DYM: variants seen among roughly 807,000 people sequenced by gnomAD.
DYM encodes the protein dyggve-Melchior-Clausen syndrome protein.
In DYM, 78 loss-of-function variants were observed where a neutral mutation model predicts 93.1. The observed-to-expected ratio is 0.84, with a 90% confidence interval of 0.70 to 1.01. DYM has a LOEUF of 1.01. Ranked by LOEUF, DYM falls within the 50% of genes least tolerant of loss-of-function variation. The pLI is 0.00. For synonymous variants in DYM, 321 were observed against 319.7 expected, an observed-to-expected ratio of 1.00 and a Z score of -0.04; for missense variants, 789 against 845.0, an observed-to-expected ratio of 0.93 and a Z score of 0.82.
chr18:49,395,493 G>A (rs1199070688), intron 2 of DYM, among the ~76,000 whole-genome samples: 1 of 152,118 alleles, frequency 6.6e-6, no homozygotes, highest in Non-Finnish European at 1.5e-5. Flanking sequence ...GCCAGGTGTG[G>A]TGGCTCATGC....
intron 6 of DYM, among the ~76,000 whole-genome samples, chr18:49,346,982 T>C (rs2064656516): frequency 6.6e-6 from 1 of 152,180 alleles, no homozygotes; most frequent in Admixed American, 6.5e-5. Flanking sequence ...AAGCCTACAG[T>C]TGGGCAAAGT....
intron 8 of DYM, among the ~76,000 whole-genome samples, chr18:49,287,975 A>C (rs2059775700): frequency 6.6e-6 from 1 of 152,204 alleles, no homozygotes; most frequent in African/African-American, 2.4e-5. Flanking sequence ...TGAAGACTTA[A>C]TACCAAAAAA....
chr18:49,216,935 T>C (rs1363776252), intron 13 of DYM, among the ~76,000 whole-genome samples: 1 of 152,158 alleles, frequency 6.6e-6, no homozygotes, highest in Non-Finnish European at 1.5e-5. Flanking sequence ...AGAAGAAGAC[T>C]TCAGACAATC....
intron 15 of DYM, among the ~76,000 whole-genome samples, chr18:49,121,413 G>A (rs1017526140): frequency 5.9e-5 from 9 of 152,058 alleles, no homozygotes; most frequent in Admixed American, 2.6e-4. Flanking sequence ...AAAATAATAA[G>A]AAATGCATTA....
At chr18:49,082,882 G>A (rs186471972) in intron 17 of DYM, among the ~76,000 whole-genome samples, 1 of 152,204 alleles carries the variant, frequency 6.6e-6, no homozygotes, top group Non-Finnish European at 1.5e-5. Flanking sequence ...AGTGGAAAAA[G>A]AATTTAGTCT....
chr18:49,120,705 T>C (rs1388870577), intron 15 of DYM, among the ~76,000 whole-genome samples: 2 of 152,348 alleles, frequency 1.3e-5, no homozygotes, highest in African/African-American at 4.8e-5. Context: ...AGAGACTATC[T>C]GGCCTACAAA....
intron 2 of DYM, among the ~76,000 whole-genome samples, chr18:49,392,918 C>A (rs1036724405): frequency 6.7e-6 from 1 of 149,940 alleles, no homozygotes; most frequent in Admixed American, 6.7e-5. Flanking sequence ...TTGCTTGAAC[C>A]CAGGAGGCAG....
rs201886969 is a variant in DYM, at chr18:49,040,691, G to A, written c.*3364C>T. Among the ~76,000 whole-genome samples, 4 of 152,074 alleles carry A rather than the reference G, an allele frequency of 2.6e-5. No individual in the cohort carries two copies. The highest frequency in any genetic ancestry group is 9.7e-5 in the African/African-American group (4 of 41,396). On this transcript the variant is annotated 3_prime_UTR_variant, in exon 18 of 18. Transcript: ENST00000675505. ...GATAGTGCCTAGGAAAGAATTAAGAGACCCAAAGGGTTGACCTTGCAGAGA... is the reference window on the plus strand; with the variant it reads ...GATAGTGCCTAGGAAAGAATTAAGAAACCCAAAGGGTTGACCTTGCAGAGA...
rs762928260 is a variant in DYM at position 49,331,907 on chromosome 18, C to T, written c.720G>A (p.Ser240=). The T allele has an allele frequency of 9.3e-6, 15 of 1,613,924 alleles. No homozygotes were observed. The highest frequency in any genetic ancestry group is 2.2e-5 in the East Asian group (1 of 44,892). The change falls in exon 8 of 18, where the codon TCG becomes TCA. Residue 240 remains serine, a synonymous_variant. Transcript: ENST00000675505. The part of the protein sequence containing the change: ...PPGAHVFPQQ[S]DGGGLLYGLA... ...GTCCATAAAGCAGTCCTCCCCCATC[C>T]GACTGCTGAGGGAAAACATGGGCCC...
At chr18:49,048,585 G>A (rs1353259815) in intron 17 of DYM, 6 of 152,198 alleles carry the variant, frequency 3.9e-5, no homozygotes, top group African/African-American at 1.4e-4. Flanking sequence ...AGGGTGGAAT[G>A]GGAAATAAAA....
chr18:49,196,365 T>C (rs1253498617), intron 14 of DYM, among the ~76,000 whole-genome samples: 1 of 151,938 alleles, frequency 6.6e-6, no homozygotes, highest in Admixed American at 6.6e-5. Flanking sequence ...CAAAACAAAA[T>C]TACCCATTCT....
At chr18:49,190,939 C>T (rs1487156388) in intron 14 of DYM, among the ~76,000 whole-genome samples, 2 of 152,102 alleles carry the variant, frequency 1.3e-5, no homozygotes, top group African/African-American at 4.8e-5. Flanking sequence ...ATAAAACATA[C>T]AAAATATATG....
chr18:49,317,688 C>CCTTCCTTCCTTCCTTTCTTT (rs1555690626), intron 8 of DYM, among the ~76,000 whole-genome samples: 1 of 88,566 alleles, frequency 1.1e-5, no homozygotes, highest in African/African-American at 4.4e-5. Context: ...TTCCTTCCTT[C>CCTTCCTTCCTTCCTTTCTTT]CTTTCTTTCT....
chr18:49,323,888 C>T (rs1038227334), intron 8 of DYM, among the ~76,000 whole-genome samples: 4 of 152,126 alleles, frequency 2.6e-5, no homozygotes, highest in Admixed American at 2.6e-4. Flanking sequence ...TGGCTGATGC[C>T]TGTAATTCCA....
rs1488344893 is a variant in DYM at position 49,269,912 on chromosome 18, C to T, written c.1251+2266G>A. On this transcript the variant is annotated intron_variant, in intron 11 of 17. Coordinates refer to ENST00000675505, the MANE Select transcript of DYM (RefSeq NM_001353214.3). The stretch of plus-strand genomic sequence containing the variant: ...TCACTCATTGATTCAGTCAGTGCCA[C>T]TTCCAGTCCTGCAAGTTCCATTCAT... 2.0e-5 allele frequency among the ~76,000 whole-genome samples: 3 copies of T among 152,216 alleles called. No individual in the cohort carries two copies. The East Asian group carries it at 5.8e-4, about 29-fold the overall frequency.
intron 1 of DYM, among the ~76,000 whole-genome samples, chr18:49,457,339 G>A (rs1160352758): frequency 6.6e-6 from 1 of 152,112 alleles, no homozygotes; most frequent in Non-Finnish European, 1.5e-5. Context: ...TTAGCCCTCT[G>A]ATTACACATA....
chr18:49,130,932 T>C (rs1293517423), intron 15 of DYM, among the ~76,000 whole-genome samples: 1 of 152,200 alleles, frequency 6.6e-6, no homozygotes, highest in Non-Finnish European at 1.5e-5. Flanking sequence ...AGCTTTACCA[T>C]ATGTTAGCTG....
rs1421444333 is a variant in DYM, at chr18:49,423,251, C to T, written c.140+7004G>A. Among the ~76,000 whole-genome samples, 8 of 152,144 alleles carry T rather than the reference C, an allele frequency of 5.3e-5. No individual in the cohort carries two copies. The South Asian group carries it at 1.0e-3, about 20-fold the overall frequency. ...CAGGATTAAGAAACTCACTCAAAACCGCTCAACTACATGGAAACTGAACAA... is the reference window on the plus strand; with the variant it reads ...CAGGATTAAGAAACTCACTCAAAACTGCTCAACTACATGGAAACTGAACAA... On this transcript the variant is annotated intron_variant, in intron 2 of 17. Coordinates refer to ENST00000675505, the MANE Select transcript of DYM (RefSeq NM_001353214.3).
rs142535764 is a variant in DYM, at chr18:49,352,242, A to G, written c.494+10919T>C. ...ATGAAGAGTGACTGCTAATGGGCAC[A>G]TGGCTTCTGCCTGGGGTGCTGAAAA... On this transcript the variant is annotated intron_variant, in intron 6 of 17. Coordinates refer to ENST00000675505, the MANE Select transcript of DYM (RefSeq NM_001353214.3). Among the ~76,000 whole-genome samples, 655 of 152,332 alleles carry G rather than the reference A, an allele frequency of 4.3e-3. 1 individual carries two copies. Among genetic ancestry groups the G allele is most frequent in the Non-Finnish European group, 7.4e-3 (503 of 68,026 alleles).
Sources: allele counts gnomAD v4.1 joint callset (sites outside exome capture counted in the v4.1 genomes callset), GRCh38; gene constraint gnomAD v4.1.1; transcripts MANE v1.5; gene names NCBI Gene and HGNC (gene_info 2026-07-23, HGNC 2026-07-21).